TTBK1: variants seen among roughly 807,000 people sequenced by gnomAD.
TTBK1 encodes tau tubulin kinase 1, also known as tau-tubulin kinase 1.
A neutral mutation model predicts 108.5 loss-of-function variants in TTBK1; 34 were observed. The observed-to-expected ratio is 0.31, with a 90% CI of 0.24 to 0.42. The LOEUF is 0.42. Ranked by LOEUF, TTBK1 falls within the 10% of genes least tolerant of loss-of-function variation. The pLI, the probability that TTBK1 is intolerant of heterozygous loss-of-function variation, is 1.00. For missense variants in TTBK1, 1,539 were observed against 1,826.0 expected (o/e 0.84, Z 2.86); for synonymous variants, 809 against 795.1 (o/e 1.02, Z -0.29).
Position 43,285,187 on chromosome 6 carries a change from C to T in TTBK1, c.3777C>T (p.Ser1259=). 1 of 1,364,108 alleles carries T rather than the reference C, an allele frequency of 7.3e-7. No individual in the cohort carries two copies. Among genetic ancestry groups the T allele is most frequent in the Non-Finnish European group, 9.4e-7 (1 of 1,064,732 alleles). The allele number at this position is 1,364,108 out of a possible 1,614,324, so 84.5% of individuals were successfully genotyped here. A position where few individuals can be genotyped will look rare whatever the true frequency, so the allele number is the denominator to read the frequency against. ...GCCAGTCCCTGTCCCGCAGAGAGAG[C>T]CCCTCCCCCTCGCACCAGGCCCGGC... is the stretch of plus-strand genomic sequence containing the variant. The part of the protein sequence containing the change: ...PRSQSLSRRE[S]PSPSHQARPG... The change falls in exon 15 of 15, where the codon AGC becomes AGT. Residue 1259 remains serine, a synonymous_variant. Transcript: ENST00000259750. This position sits in a 1 kb window ranked among gnomAD's most constrained non-coding sequence, Gnocchi z 4.7.
Position 43,283,903 on chromosome 6 carries a change from C to T in TTBK1, c.3163C>T (p.Arg1055Cys), listed in dbSNP as rs1198200337. Reference protein sequence around the residue: ...HAMPGSRPRSRIPVLLSEEDT... With the variant: ...HAMPGSRPRSCIPVLLSEEDT... Reference sequence around the variant, plus strand: ...TATGCCAGGCTCTCGCCCCAGGAGCCGTATCCCTGTCCTGCTCTCTGAGGA... The same window carrying T: ...TATGCCAGGCTCTCGCCCCAGGAGCTGTATCCCTGTCCTGCTCTCTGAGGA... The change falls in exon 14 of 15, where the codon CGT (arginine) becomes TGT (cysteine). Residue 1055 changes from arginine to cysteine, a missense_variant. Arg to Cys is a radical substitution (Grantham distance 180, BLOSUM62 -3). Around this residue, in one of 5 missense-constraint regions of TTBK1, gnomAD observed 1,055 missense variants for 1,086.5 expected, o/e 0.97. Coordinates refer to ENST00000259750, the MANE Select transcript of TTBK1 (RefSeq NM_032538.3). The surrounding 1 kb of genome is among the most constrained non-coding windows in gnomAD (Gnocchi z 8.1). 3.7e-6 allele frequency: 6 copies of T among 1,612,452 alleles called. No individual in the cohort carries two copies. The highest frequency in any genetic ancestry group is 2.2e-5 in the East Asian group (1 of 44,814).
At chr6:43,262,061 T>C (rs369840265) in intron 12 of TTBK1, among the ~76,000 whole-genome samples, 1 of 151,644 alleles carries the variant, frequency 6.6e-6, no homozygotes, top group Non-Finnish European at 1.5e-5. Flanking sequence ...CAGCAAAGGG[T>C]AGAAGGACAG....
At position 43,276,567 on chromosome 6, in the gene TTBK1, G is replaced by A. The variant is rs1778006208; in HGVS notation, c.1987-6160G>A. On this transcript the variant is annotated intron_variant, in intron 13 of 14. Coordinates refer to ENST00000259750, the MANE Select transcript of TTBK1 (RefSeq NM_032538.3). The surrounding 1 kb of genome is among the most constrained non-coding windows in gnomAD (Gnocchi z 5.4). ...GCCCCGCCGTCACGCGTCGCTGTGCGAGGGATTTTGTGCCTTTTTAAGTCC... is the reference window on the plus strand; with the variant it reads ...GCCCCGCCGTCACGCGTCGCTGTGCAAGGGATTTTGTGCCTTTTTAAGTCC... Among the ~76,000 whole-genome samples the A allele has an allele frequency of 6.6e-6, 1 of 152,244 alleles. No individual in the cohort carries two copies. The highest frequency in any genetic ancestry group is 2.4e-5 in the African/African-American group (1 of 41,462).
At chr6:43,278,051 C>T (rs1007635818) in intron 13 of TTBK1, among the ~76,000 whole-genome samples, 2 of 152,090 alleles carry the variant, frequency 1.3e-5, no homozygotes, top group Admixed American at 6.5e-5. Flanking sequence ...GACTGTGGGC[C>T]GGGGTGCAGT....
Position 43,285,366 on chromosome 6 carries a change from G to C in TTBK1, c.3956G>C (p.Gly1319Ala), listed in dbSNP as rs1392194920. 4 of 1,279,384 alleles carry C rather than the reference G, an allele frequency of 3.1e-6. No individual in the cohort carries two copies. Among genetic ancestry groups the C allele is most frequent in the Non-Finnish European group, 3.9e-6 (4 of 1,018,006 alleles). 79.3% of individuals were successfully genotyped at this position (1,279,384 alleles called of 1,614,324 possible). ...GRAGGAEGRAGAR is the reference protein window; with the variant it reads ...GRAGGAEGRAAAR ...GCAGGAGGCGCGGAGGGCCGGGCTGGGGCCAGATAATGACGCCCGCTGCTC... is the reference window on the plus strand; with the variant it reads ...GCAGGAGGCGCGGAGGGCCGGGCTGCGGCCAGATAATGACGCCCGCTGCTC... The change falls in exon 15 of 15, where the codon GGG becomes GCG. Residue 1319 changes from glycine (G) to alanine (A), a missense_variant. Gly to Ala is a moderately conservative substitution (Grantham distance 60, BLOSUM62 0). This residue lies in a region of TTBK1 where 1,055 missense variants were observed against 1,086.5 expected (regional missense o/e 0.97). Transcript: ENST00000259750. The surrounding 1 kb of genome is among the most constrained non-coding windows in gnomAD (Gnocchi z 4.7).
chr6:43,264,344 T>C (rs535568864), intron 13 of TTBK1, among the ~76,000 whole-genome samples: 2 of 152,104 alleles, frequency 1.3e-5, no homozygotes, highest in East Asian at 3.9e-4. Context: ...GACTGTGCCA[T>C]TGCACTCCAG....
chr6:43,282,266 T>C lies in TTBK1; in HGVS notation c.1987-461T>C, dbSNP rs1454178999. 1.3e-5 allele frequency among the ~76,000 whole-genome samples: 2 copies of C among 152,206 alleles called. No homozygotes were observed. The highest frequency in any genetic ancestry group is 3.8e-4 in the East Asian group (2 of 5,198). On this transcript the variant is annotated intron_variant, in intron 13 of 14. Transcript: ENST00000259750. The surrounding 1 kb of genome is among the most constrained non-coding windows in gnomAD (Gnocchi z 5.4). ...AGCCCGGCACAGCCCATCCAGGAAG[T>C]GGCACAGATACTTGCCGCCGTCTCT...
At position 43,276,068 on chromosome 6, in the gene TTBK1, G is replaced by C. The variant is rs1478334741; in HGVS notation, c.1987-6659G>C. Among the ~76,000 whole-genome samples, 1 of 152,010 alleles carries C rather than the reference G, an allele frequency of 6.6e-6. No homozygotes were observed. The highest frequency in any genetic ancestry group is 1.5e-5 in the Non-Finnish European group (1 of 67,984). On this transcript the variant is annotated intron_variant, in intron 13 of 14. Coordinates refer to ENST00000259750, the MANE Select transcript of TTBK1 (RefSeq NM_032538.3). This position sits in a 1 kb window ranked among gnomAD's most constrained non-coding sequence, Gnocchi z 5.4. ...TAATTGCGGGGTGGGGGCGGAGTAG[G>C]GGAGGGATAGGAAGGGGATTAGCGA...
At chr6:43,270,415 G>GT (rs1777800307) in intron 13 of TTBK1, 1 of 195,568 alleles carries the variant, frequency 5.1e-6, no homozygotes, top group South Asian at 2.0e-4. Flanking sequence ...TCCTTGCATG[G>GT]TGTGTGTGTG....
Position 43,287,742 on chromosome 6 carries a change from C to G in TTBK1, c.*2366C>G, listed in dbSNP as rs1172002412. ...CCAACCCCAGCTGCAGCCTCCTCCC[C>G]CTGAGCATTCATTCTCTCCACCAGG... On this transcript the variant is annotated 3_prime_UTR_variant, in exon 15 of 15. Transcript: ENST00000259750. This position sits in a 1 kb window ranked among gnomAD's most constrained non-coding sequence, Gnocchi z 4.1. The G allele has an allele frequency of 2.0e-5, 3 of 152,828 alleles. No homozygotes were observed. Among genetic ancestry groups the G allele is most frequent in the African/African-American group, 7.2e-5 (3 of 41,454 alleles). 9.5% of individuals were successfully genotyped at this position (152,828 alleles called of 1,614,324 possible). A position where few individuals can be genotyped will look rare whatever the true frequency, so the allele number is the denominator to read the frequency against.
intron 13 of TTBK1, among the ~76,000 whole-genome samples, chr6:43,277,922 G>A (rs1413452526): frequency 1.3e-5 from 2 of 152,226 alleles, no homozygotes; most frequent in African/African-American, 4.8e-5. Flanking sequence ...TGAGAGAGGA[G>A]GAGGAACTGC....
Position 43,285,381 on chromosome 6 carries a change from G to T in TTBK1, c.*5G>T. 7.8e-7 allele frequency: 1 copy of T among 1,274,392 alleles called. No homozygotes were observed. Among genetic ancestry groups the T allele is most frequent in the Non-Finnish European group, 9.9e-7 (1 of 1,015,116 alleles). 78.9% of individuals were successfully genotyped at this position (1,274,392 alleles called of 1,614,324 possible). ...GGCCGGGCTGGGGCCAGATAATGACGCCCGCTGCTCTCCGCGGTCCCCCAC... is the reference window on the plus strand; with the variant it reads ...GGCCGGGCTGGGGCCAGATAATGACTCCCGCTGCTCTCCGCGGTCCCCCAC... On this transcript the variant is annotated 3_prime_UTR_variant, in exon 15 of 15. Transcript: ENST00000259750. This position sits in a 1 kb window ranked among gnomAD's most constrained non-coding sequence, Gnocchi z 4.7.
intron 13 of TTBK1, among the ~76,000 whole-genome samples, chr6:43,274,619 C>A (rs1562095479): frequency 7.3e-6 from 1 of 137,788 alleles, no homozygotes; most frequent in Middle Eastern, 3.9e-3. Flanking sequence ...GTGTAGATCT[C>A]TCCGGAGGGC....
chr6:43,251,834 ATGTGACG>A (rs1777249044), intron 2 of TTBK1, among the ~76,000 whole-genome samples: 1 of 152,120 alleles, frequency 6.6e-6, no homozygotes, highest in South Asian at 2.1e-4. Context: ...CTAGGGAGTG[ATGTGACG>A]TGAACTTCGG....
chr6:43,268,954 A>T (rs554720997), intron 13 of TTBK1, among the ~76,000 whole-genome samples: 32 of 152,304 alleles, frequency 2.1e-4, no homozygotes, highest in African/African-American at 7.7e-4. Flanking sequence ...TATAACATCG[A>T]ATCCTCACGA....
rs949243812 is a variant in TTBK1 at position 43,254,914 on chromosome 6, G to A, written c.577-135G>A. ...GGGTCAGCAGGCGGGTTTAGGACTG[G>A]AAGGTCAGAGAGCAGGCCCACCTCC... On this transcript the variant is annotated intron_variant, in intron 6 of 14. Transcript: ENST00000259750. 3 of 918,202 alleles carry A rather than the reference G, an allele frequency of 3.3e-6. No individual in the cohort carries two copies. The African/African-American group carries it at 4.9e-5, about 15-fold the overall frequency. The allele number at this position is 918,202 out of a possible 1,614,324, so 56.9% of individuals were successfully genotyped here.
At position 43,284,279 on chromosome 6, in the gene TTBK1, C is replaced by G; in HGVS notation, c.3539C>G (p.Ala1180Gly). The G allele has an allele frequency of 6.3e-7, 1 of 1,588,044 alleles. No individual in the cohort carries two copies. The highest frequency in any genetic ancestry group is 8.5e-7 in the Non-Finnish European group (1 of 1,172,364). Reference sequence around the variant, plus strand: ...CAGCCCGCCAGCAGATCCCATGGCGCGGCCCCAGCATTGGACACAGCCATC... The same window carrying G: ...CAGCCCGCCAGCAGATCCCATGGCGGGGCCCCAGCATTGGACACAGCCATC... ...AQQPASRSHG[A>G]APALDTAITS... The change falls in exon 14 of 15, where the codon GCG (alanine) becomes GGG (glycine). Residue 1180 changes from alanine to glycine, a missense_variant. Ala to Gly is a moderately conservative substitution (Grantham distance 60). Transcript: ENST00000259750.
intron 1 of TTBK1, among the ~76,000 whole-genome samples, chr6:43,244,263 C>T (rs961281856): frequency 2.6e-5 from 4 of 152,098 alleles, no homozygotes; most frequent in Non-Finnish European, 5.9e-5. Context: ...TTCCCATCAC[C>T]CCTCGCTAGT....
chr6:43,256,141 CTT>C (rs35194954), intron 9 of TTBK1, among the ~76,000 whole-genome samples: 12 of 145,278 alleles, frequency 8.3e-5, no homozygotes, highest in South Asian at 2.2e-4. Context: ...TATTCCAGCT[CTT>C]TTTTTTTTTT....
Sources: gnomAD v4.1 joint callset for allele counts (sites outside exome capture counted in the v4.1 genomes callset) on GRCh38, gnomAD v4.1.1 for gene constraint, gnomAD v4.1.1 regional missense constraint, Gnocchi (gnomAD v3.1) non-coding constraint, MANE v1.5 for transcripts, NCBI Gene and HGNC (gene_info 2026-07-23, HGNC 2026-07-21) for gene names.